Variants in GALNT13 observed in about 807,000 individuals in gnomAD.
GALNT13 encodes the protein UDP-GalNAc:polypeptide N-acetylgalactosaminyltransferase 13.
A neutral mutation model predicts 64.2 loss-of-function variants in GALNT13; 28 were observed. The observed-to-expected ratio is 0.44, with a 90% CI of 0.32 to 0.60. The LOEUF is 0.60. Ranked by LOEUF, GALNT13 falls within the 20% of genes least tolerant of loss-of-function variation. GALNT13 has a pLI of 0.05. For missense variants in GALNT13, 577 were observed against 669.8 expected (o/e 0.86, Z 1.53); for synonymous variants, 214 against 224.6 (o/e 0.95, Z 0.42).
chr2:154,116,794 G>T (rs1681591401), intron 3 of GALNT13, among the ~76,000 whole-genome samples: 1 of 152,112 alleles, frequency 6.6e-6, no homozygotes. Flanking sequence ...CCGAACCAAT[G>T]AAAGAACACC....
At chr2:153,261,895 C>T in the GALNT13 span, among the ~76,000 whole-genome samples, 1 of 152,162 alleles carries the variant, frequency 6.6e-6, no homozygotes, top group Admixed American at 6.5e-5. Flanking sequence ...TGCTCAATGA[C>T]CAAGGGCTCT....
chr2:153,225,323 G>C, the GALNT13 span, among the ~76,000 whole-genome samples: 2 of 152,058 alleles, frequency 1.3e-5, no homozygotes, highest in Admixed American at 1.3e-4. Flanking sequence ...GTCAAACTAG[G>C]AATAAAGCAG....
the GALNT13 span, among the ~76,000 whole-genome samples, chr2:153,392,138 A>G: frequency 1.3e-5 from 2 of 149,416 alleles, no homozygotes; most frequent in African/African-American, 4.9e-5. Context: ...TAAATTAAAT[A>G]TATACTACAT....
intron 9 of GALNT13, among the ~76,000 whole-genome samples, chr2:154,321,167 G>A (rs1694601846): frequency 6.6e-6 from 1 of 152,090 alleles, no homozygotes; most frequent in Non-Finnish European, 1.5e-5. Flanking sequence ...AGGAGTAGAG[G>A]TACAGGAGGA....
chr2:154,449,426 CAAAAAAA>C (rs201483247), intron 12 of GALNT13, among the ~76,000 whole-genome samples: 6,985 of 105,986 alleles, frequency 0.066, 231 homozygotes, highest in Middle Eastern at 0.13. Flanking sequence ...TATCATGAGC[CAAAAAAA>C]AAAAAAAAAA....
chr2:153,492,779 A>G, the GALNT13 span, among the ~76,000 whole-genome samples: 1 of 152,318 alleles, frequency 6.6e-6, no homozygotes, highest in South Asian at 2.1e-4. Flanking sequence ...ATTCACCAAT[A>G]TAATACATGT....
At chr2:153,433,648 T>G in the GALNT13 span, among the ~76,000 whole-genome samples, 1 of 152,064 alleles carries the variant, frequency 6.6e-6, no homozygotes, top group African/African-American at 2.4e-5. Context: ...CTAGAGAAGG[T>G]AGAGTTTAGC....
intron 8 of GALNT13, among the ~76,000 whole-genome samples, chr2:154,274,315 T>C (rs1344983727): frequency 6.6e-6 from 1 of 152,116 alleles, no homozygotes. Flanking sequence ...TGGAAGAATT[T>C]AGAAATAAAA....
the GALNT13 span, among the ~76,000 whole-genome samples, chr2:153,366,348 AT>A: frequency 6.6e-6 from 1 of 152,084 alleles, no homozygotes. Context: ...CATGGCACAC[AT>A]TTACCATGTA....
At chr2:153,542,163 C>CA in the GALNT13 span, among the ~76,000 whole-genome samples, 16 of 151,642 alleles carry the variant, frequency 1.1e-4, no homozygotes, top group Admixed American at 9.2e-4. Context: ...ACTAAAAATA[C>CA]AAAAAAATTA....
chr2:153,316,341 C>T, the GALNT13 span, among the ~76,000 whole-genome samples: 2 of 152,030 alleles, frequency 1.3e-5, no homozygotes, highest in East Asian at 1.9e-4. Context: ...TTTTTTTAAA[C>T]GTCTAAAAAC....
intron 7 of GALNT13, among the ~76,000 whole-genome samples, chr2:154,258,557 A>T (rs1361313273): frequency 6.6e-6 from 1 of 151,872 alleles, no homozygotes; most frequent in African/African-American, 2.4e-5. Flanking sequence ...ATAGAATTTA[A>T]TTTTTTTTAT....
chr2:153,630,793 ATATATATATATATATTTTTTT>A, the GALNT13 span, among the ~76,000 whole-genome samples: 1 of 13,242 alleles, frequency 7.6e-5, no homozygotes, highest in African/African-American at 2.6e-4. Flanking sequence ...ATATATATAT[ATATATATATATATATTTTTTT>A]TTTTTTTTTT....
chr2:154,249,659 A>G (rs1689967382), intron 7 of GALNT13, among the ~76,000 whole-genome samples: 1 of 152,098 alleles, frequency 6.6e-6, no homozygotes, highest in Admixed American at 6.6e-5. Context: ...AATCATCATT[A>G]ATATTTTTAA....
the GALNT13 span, among the ~76,000 whole-genome samples, chr2:153,647,532 T>A: frequency 1.3e-5 from 2 of 152,208 alleles, no homozygotes; most frequent in Non-Finnish European, 2.9e-5. Context: ...AAACATGAAG[T>A]CCTTGCCCAT....
chr2:154,336,095 G>T (rs1047177330), intron 9 of GALNT13, among the ~76,000 whole-genome samples: 7 of 152,062 alleles, frequency 4.6e-5, no homozygotes, highest in Non-Finnish European at 8.8e-5. Context: ...TTGTGGATTA[G>T]AGAAATAATC....
chr2:153,829,363 C>T, the GALNT13 span, among the ~76,000 whole-genome samples: 2 of 151,962 alleles, frequency 1.3e-5, no homozygotes, highest in Non-Finnish European at 2.9e-5. Flanking sequence ...GCTGGGGAGG[C>T]CTGACAATCA....
the GALNT13 span, among the ~76,000 whole-genome samples, chr2:153,808,454 C>T: frequency 6.6e-6 from 1 of 152,070 alleles, no homozygotes; most frequent in South Asian, 2.1e-4. Flanking sequence ...ACTAGATTTG[C>T]TATTAGTTCT....
At chr2:154,077,861 C>A (rs1701068531) in intron 3 of GALNT13, among the ~76,000 whole-genome samples, 1 of 151,402 alleles carries the variant, frequency 6.6e-6, no homozygotes, top group Non-Finnish European at 1.5e-5. Flanking sequence ...TTTTTAAAAT[C>A]ATGCTTTCAA....
Sources: allele counts gnomAD v4.1 joint callset (sites outside exome capture counted in the v4.1 genomes callset), GRCh38; gene constraint gnomAD v4.1.1; transcripts MANE v1.5; gene names NCBI Gene and HGNC (gene_info 2026-07-23, HGNC 2026-07-21).